Variants in SUGCT observed in about 807,000 individuals in gnomAD.
SUGCT encodes the protein succinyl-CoA:glutarate-CoA transferase, also known as succinyl-CoA:glutarate CoA-transferase.
Under a neutral mutation model 55.0 loss-of-function variants are expected in SUGCT, and 41 were observed. The observed-to-expected ratio is 0.74, with a 90% confidence interval of 0.58 to 0.97. SUGCT has a LOEUF of 0.97. Among genes scored for constraint, SUGCT ranks in the 50% least tolerant of loss-of-function variants. The pLI, the probability that SUGCT is intolerant of heterozygous loss-of-function variation, is 0.00. For synonymous variants in SUGCT, 187 were observed against 200.4 expected, an observed-to-expected ratio of 0.93 and a Z score of 0.56; for missense variants, 568 against 547.8, an observed-to-expected ratio of 1.04 and a Z score of -0.37.
At chr7:40,629,461 G>A (rs114728732) in intron 12 of SUGCT, among the ~76,000 whole-genome samples, 67 of 152,202 alleles carry the variant, frequency 4.4e-4, no homozygotes, top group African/African-American at 1.6e-3. Context: ...AGAGGCAGAG[G>A]GCTTTTAGGA....
intron 9 of SUGCT, among the ~76,000 whole-genome samples, chr7:40,380,728 CTT>C (rs1784828259): frequency 6.6e-6 from 1 of 152,164 alleles, no homozygotes; most frequent in African/African-American, 2.4e-5. Flanking sequence ...TATTTACTCT[CTT>C]GTCTCTGAAT....
intron 13 of SUGCT, among the ~76,000 whole-genome samples, chr7:40,757,893 A>G (rs1160289279): frequency 6.6e-6 from 1 of 152,204 alleles, no homozygotes; most frequent in African/African-American, 2.4e-5. Flanking sequence ...GAGTGCACAA[A>G]AAAGTCTTTC....
chr7:40,809,267 T>C (rs1480463592), intron 13 of SUGCT, among the ~76,000 whole-genome samples: 3 of 152,202 alleles, frequency 2.0e-5, no homozygotes, highest in Non-Finnish European at 4.4e-5. Context: ...CTTTAGCTCA[T>C]ATTTGGTGTT....
chr7:40,513,864 A>T (rs1029604147), intron 12 of SUGCT, among the ~76,000 whole-genome samples: 1 of 137,154 alleles, frequency 7.3e-6, no homozygotes, highest in Non-Finnish European at 1.5e-5. Context: ...ATCTCGGCTC[A>T]CTGCAAACTC....
chr7:40,438,690 A>G (rs1191808830), intron 9 of SUGCT, among the ~76,000 whole-genome samples: 4 of 152,032 alleles, frequency 2.6e-5, no homozygotes, highest in Admixed American at 6.6e-5. Flanking sequence ...AATTTCTTAC[A>G]GGAGACAGTC....
the SUGCT span, among the ~76,000 whole-genome samples, chr7:40,911,433 T>G: frequency 6.6e-6 from 1 of 151,996 alleles, no homozygotes; most frequent in Non-Finnish European, 1.5e-5. Flanking sequence ...TTGGGTGTGG[T>G]GGCACACACC....
chr7:40,387,256 C>A (rs377540709), intron 9 of SUGCT, among the ~76,000 whole-genome samples: 1 of 152,166 alleles, frequency 6.6e-6, no homozygotes, highest in South Asian at 2.1e-4. Flanking sequence ...AGGTATTATT[C>A]ATCTCCCTTC....
intron 6 of SUGCT, among the ~76,000 whole-genome samples, chr7:40,203,235 T>C (rs1786718486): frequency 6.6e-6 from 1 of 152,198 alleles, no homozygotes; most frequent in African/African-American, 2.4e-5. Context: ...TATCCTCAAA[T>C]GGATGATAAG....
intron 3 of SUGCT, among the ~76,000 whole-genome samples, chr7:40,183,998 A>G (rs972344118): frequency 2.0e-5 from 3 of 151,964 alleles, no homozygotes; most frequent in Non-Finnish European, 4.4e-5. Context: ...AGATGGTGAA[A>G]CCCCCTTCTC....
At chr7:40,163,824 A>T (rs1401466958) in intron 1 of SUGCT, among the ~76,000 whole-genome samples, 1 of 141,318 alleles carries the variant, frequency 7.1e-6, no homozygotes, top group Non-Finnish European at 1.6e-5. Context: ...TTTGAATTGA[A>T]TTTTTTTTTT....
At chr7:40,596,241 G>C (rs368712911) in intron 12 of SUGCT, among the ~76,000 whole-genome samples, 3 of 151,996 alleles carry the variant, frequency 2.0e-5, no homozygotes, top group Admixed American at 2.0e-4. Flanking sequence ...GTTATAAAAG[G>C]ATTCTTTGTA....
At chr7:40,574,788 G>C (rs1200169828) in intron 12 of SUGCT, among the ~76,000 whole-genome samples, 1 of 152,138 alleles carries the variant, frequency 6.6e-6, no homozygotes, top group Non-Finnish European at 1.5e-5. Flanking sequence ...CTTTTTAACC[G>C]ATATTTATTG....
chr7:40,268,305 T>C (rs1791743505), intron 7 of SUGCT, among the ~76,000 whole-genome samples: 2 of 152,230 alleles, frequency 1.3e-5, no homozygotes, highest in Non-Finnish European at 2.9e-5. Context: ...TCTGTCTCTA[T>C]GGATTTGCCT....
At chr7:40,614,218 C>T (rs111717267) in intron 12 of SUGCT, among the ~76,000 whole-genome samples, 3 of 151,964 alleles carry the variant, frequency 2.0e-5, no homozygotes, top group East Asian at 1.9e-4. Flanking sequence ...GTTCTGCATT[C>T]GAGAAGAGGA....
At chr7:40,845,273 A>G (rs1365283250) in intron 13 of SUGCT, among the ~76,000 whole-genome samples, 10 of 152,152 alleles carry the variant, frequency 6.6e-5, no homozygotes, top group Admixed American at 6.5e-4. Context: ...TCTTTGGACT[A>G]TGGGAAAAGG....
chr7:40,489,686 CAAAACAA>C (rs916095107), intron 11 of SUGCT, among the ~76,000 whole-genome samples: 18 of 151,892 alleles, frequency 1.2e-4, no homozygotes, highest in Non-Finnish European at 1.8e-4. Flanking sequence ...TCTCAAAAAA[CAAAACAA>C]AAAACAAAAA....
At chr7:40,738,281 C>T (rs1787285433) in intron 12 of SUGCT, among the ~76,000 whole-genome samples, 2 of 149,956 alleles carry the variant, frequency 1.3e-5, no homozygotes, top group South Asian at 4.2e-4. Context: ...CAATCTCAAT[C>T]AATCTCAAAC....
intron 12 of SUGCT, among the ~76,000 whole-genome samples, chr7:40,546,059 T>G (rs1293235591): frequency 2.0e-5 from 3 of 152,206 alleles, no homozygotes; most frequent in Admixed American, 1.3e-4. Context: ...CTCAAATGTC[T>G]TTCACCTTTG....
At chr7:40,362,638 A>T (rs142894966) in intron 9 of SUGCT, among the ~76,000 whole-genome samples, 1 of 152,294 alleles carries the variant, frequency 6.6e-6, no homozygotes, top group Non-Finnish European at 1.5e-5. Context: ...TATCCAACAG[A>T]GAAGGAAAGT....
Sources: gnomAD v4.1 joint callset for allele counts (sites outside exome capture counted in the v4.1 genomes callset) on GRCh38, gnomAD v4.1.1 for gene constraint, MANE v1.5 for transcripts, NCBI Gene and HGNC (gene_info 2026-07-23, HGNC 2026-07-21) for gene names.